The following EPS15 variants were observed in gnomAD, a reference collection of about 807,000 sequenced individuals.
EPS15 encodes the protein epidermal growth factor receptor pathway substrate 15, also known as epidermal growth factor receptor substrate 15.
A neutral mutation model predicts 113.8 loss-of-function variants in EPS15; 72 were observed. The ratio of observed to expected loss-of-function variants is 0.63; its 90% CI spans 0.52 to 0.77. The LOEUF (loss-of-function observed/expected upper bound fraction) is 0.77, where lower values mean the gene tolerates loss of function less well. Among genes scored for constraint, EPS15 ranks in the 30% least tolerant of loss-of-function variants. EPS15 has a pLI of 0.00. For missense variants in EPS15, 1,048 were observed against 1,045.8 expected (o/e 1.00, Z -0.03); for synonymous variants, 344 against 363.4 (o/e 0.95, Z 0.61).
chr1:51,386,003 T>A (rs1647059738), intron 21 of EPS15, among the ~76,000 whole-genome samples: 1 of 152,174 alleles, frequency 6.6e-6, no homozygotes, highest in Non-Finnish European at 1.5e-5. Context: ...GCTCGTGAAC[T>A]GTACATTTAA....
chr1:51,483,348 T>C (rs1162303479), intron 1 of EPS15, among the ~76,000 whole-genome samples: 1 of 152,014 alleles, frequency 6.6e-6, no homozygotes, highest in Non-Finnish European at 1.5e-5. Flanking sequence ...TTAAACTTTA[T>C]CACAGGTATG....
chr1:51,446,904 A>C lies in EPS15; in HGVS notation c.797+56T>G, dbSNP rs1208714013. The C allele has an allele frequency of 3.5e-6, 5 of 1,413,742 alleles. No individual in the cohort carries two copies. The African/African-American group carries it at 7.2e-5, about 20-fold the overall frequency. The allele number at this position is 1,413,742 out of a possible 1,614,324, so 87.6% of individuals were successfully genotyped here. ...AAATGACTAAAAATCAAAATGCAGA[A>C]ACTGGAATTGATACAAAACCATATT... On this transcript the variant is annotated intron_variant, in intron 10 of 24. Coordinates refer to ENST00000371733, the MANE Select transcript of EPS15 (RefSeq NM_001981.3).
chr1:51,378,042 C>G (rs911105572), intron 21 of EPS15, among the ~76,000 whole-genome samples: 5 of 151,890 alleles, frequency 3.3e-5, no homozygotes, highest in Admixed American at 6.6e-5. Context: ...ATTACAGGCA[C>G]CCGCCACCAC....
intron 13 of EPS15, among the ~76,000 whole-genome samples, chr1:51,412,830 C>T (rs1649861156): frequency 6.6e-6 from 1 of 152,146 alleles, no homozygotes. Context: ...AAGCTGTTTA[C>T]CAAATTATTT....
chr1:51,476,039 T>C (rs1236456384), intron 2 of EPS15, among the ~76,000 whole-genome samples: 1 of 152,218 alleles, frequency 6.6e-6, no homozygotes, highest in African/African-American at 2.4e-5. Context: ...CATTGGTCTA[T>C]ATCTCTGTTT....
chr1:51,460,080 G>T lies in EPS15; in HGVS notation c.561+1011C>A, dbSNP rs145329121. 5.4e-4 allele frequency among the ~76,000 whole-genome samples: 82 copies of T among 152,272 alleles called. 1 individual carries two copies. In the Middle Eastern group the frequency reaches 0.024, roughly 44 times the overall value. On this transcript the variant is annotated intron_variant, in intron 8 of 24. Coordinates refer to ENST00000371733, the MANE Select transcript of EPS15 (RefSeq NM_001981.3). ...CAGATCAATAAACTAGACAAAATCA[G>T]ATTAAGTAAAAATACAAGTGGGAGT...
intron 21 of EPS15, 39 bp from the exon 22 acceptor site, chr1:51,366,068 A>G (rs372189935): frequency 2.5e-4 from 372 of 1,487,342 alleles, no homozygotes; most frequent in Non-Finnish European, 2.6e-4. Flanking sequence ...CAGGACAGTA[A>G]GACATTTTTT....
chr1:51,455,386 T>C (rs892321990), intron 8 of EPS15, among the ~76,000 whole-genome samples: 37 of 152,172 alleles, frequency 2.4e-4, no homozygotes, highest in African/African-American at 8.4e-4. Context: ...GATCAGGAGT[T>C]TGAGACCAGC....
At chr1:51,506,067 A>G (rs1644494617) in intron 1 of EPS15, among the ~76,000 whole-genome samples, 1 of 152,138 alleles carries the variant, frequency 6.6e-6, no homozygotes, top group Non-Finnish European at 1.5e-5. Context: ...TTGTATTTTT[A>G]GCAGAGGCGG....
intron 24 of EPS15, among the ~76,000 whole-genome samples, chr1:51,357,214 C>T (rs749411305): frequency 6.6e-5 from 10 of 150,528 alleles, no homozygotes; most frequent in Non-Finnish European, 1.3e-4. Context: ...TCGCTCTCAA[C>T]TAAAAATACA....
chr1:51,419,689 G>T (rs1277750819), intron 13 of EPS15, among the ~76,000 whole-genome samples: 1 of 152,050 alleles, frequency 6.6e-6, no homozygotes, highest in Non-Finnish European at 1.5e-5. Context: ...GTTGCCTTTT[G>T]CCAGGGAAAT....
At chr1:51,366,059 A>G in intron 21 of EPS15, 30 bp from the exon 22 acceptor site, 1 of 1,509,002 alleles carries the variant, frequency 6.6e-7, no homozygotes, top group Non-Finnish European at 9.1e-7. Context: ...TAAATGAAAC[A>G]GGACAGTAAG....
At chr1:51,432,255 A>G (rs1436781310) in intron 12 of EPS15, among the ~76,000 whole-genome samples, 1 of 152,228 alleles carries the variant, frequency 6.6e-6, no homozygotes, top group East Asian at 1.9e-4. Flanking sequence ...AATGAAATGT[A>G]TAATAATTCT....
chr1:51,427,639 G>C (rs1174843447), intron 12 of EPS15, among the ~76,000 whole-genome samples: 1 of 152,186 alleles, frequency 6.6e-6, no homozygotes, highest in Non-Finnish European at 1.5e-5. Context: ...ATTGCAAAGT[G>C]AGCTGTGCAG....
intron 20 of EPS15, among the ~76,000 whole-genome samples, chr1:51,398,264 A>G (rs1271455222): frequency 6.6e-6 from 1 of 152,158 alleles, no homozygotes; most frequent in Non-Finnish European, 1.5e-5. Flanking sequence ...CGTGTTAGCC[A>G]GGATGGTCTC....
chr1:51,434,392 C>T (rs1014959892), intron 12 of EPS15, among the ~76,000 whole-genome samples: 4 of 152,080 alleles, frequency 2.6e-5, no homozygotes, highest in Admixed American at 1.3e-4. Context: ...TGACATATGC[C>T]ACAACACAGA....
chr1:51,375,437 T>C (rs181972015), intron 21 of EPS15, among the ~76,000 whole-genome samples: 2 of 152,324 alleles, frequency 1.3e-5, no homozygotes, highest in East Asian at 3.9e-4. Flanking sequence ...CCCTGTTCCG[T>C]AGGATCAATC....
chr1:51,402,637 CTGA>C (rs1322874712), intron 17 of EPS15, 112 bp from the exon 18 acceptor site: 7 of 569,202 alleles, frequency 1.2e-5, no homozygotes, highest in Admixed American at 9.4e-5. Context: ...GAAAAATCAA[CTGA>C]TGGGCCAGGC....
At chr1:51,508,250 G>GAAAAGAAAAGAAAAGAA (rs1190191106) in intron 1 of EPS15, among the ~76,000 whole-genome samples, 4 of 31,276 alleles carry the variant, frequency 1.3e-4, no homozygotes, top group African/African-American at 3.2e-4. Context: ...AAGAGAGAAA[G>GAAAAGAAAAGAAAAGAA]AGAGAGAGAG....
Sources: gnomAD v4.1 joint callset for allele counts (sites outside exome capture counted in the v4.1 genomes callset) on GRCh38, gnomAD v4.1.1 for gene constraint, MANE v1.5 for transcripts, NCBI Gene and HGNC (gene_info 2026-07-23, HGNC 2026-07-21) for gene names.